The following ANK3 variants were observed in gnomAD, a reference collection of about 807,000 sequenced individuals.
ANK3 encodes ankyrin-3.
A neutral mutation model predicts 370.9 loss-of-function variants in ANK3; 57 were observed. The ratio of observed to expected loss-of-function variants is 0.15; its 90% CI spans 0.12 to 0.19. The LOEUF (loss-of-function observed/expected upper bound fraction) is 0.19. ANK3 is among the 10% of genes least tolerant of loss of function. ANK3 has a pLI of 1.00. For missense variants in ANK3, 4,439 were observed against 5,302.1 expected, an observed-to-expected ratio of 0.84 and a Z score of 5.06; for synonymous variants, 1,929 against 1,946.3, an observed-to-expected ratio of 0.99 and a Z score of 0.23.
chr10:60,215,828 G>A (rs1200006693), intron 8 of ANK3, among the ~76,000 whole-genome samples: 1 of 152,058 alleles, frequency 6.6e-6, no homozygotes, highest in African/African-American at 2.4e-5. Context: ...TTGGCTATAT[G>A]GGGTCTTCTT....
Position 60,088,141 on chromosome 10 carries a change from C to T in ANK3, c.3540+6G>A. The stretch of plus-strand genomic sequence containing the variant: ...ACTGAGGGAAACAACTTTTTGTGAA[C>T]ATTACCTGGAGGCCCACTCGAATTC... On this transcript the variant is annotated splice_donor_region_variant and intron_variant, in intron 29 of 43. Coordinates refer to ENST00000280772, the MANE Select transcript of ANK3 (RefSeq NM_020987.5). 1.2e-6 allele frequency: 2 copies of T among 1,613,638 alleles called. No homozygotes were observed. The highest frequency in any genetic ancestry group is 1.7e-6 in the Non-Finnish European group (2 of 1,179,658).
intron 2 of ANK3, among the ~76,000 whole-genome samples, chr10:60,401,413 T>A (rs1454933359): frequency 6.6e-6 from 1 of 152,154 alleles, no homozygotes; most frequent in Admixed American, 6.5e-5. Context: ...TAAAATAAAA[T>A]TTTAAAACTG....
chr10:60,310,116 G>C (rs2046043431), intron 1 of ANK3, among the ~76,000 whole-genome samples: 2 of 151,540 alleles, frequency 1.3e-5, no homozygotes, highest in African/African-American at 2.4e-5. Context: ...GTAGAGATGG[G>C]GTCTAGCTAT....
chr10:60,653,920 T>C (rs1285900117), intron 1 of ANK3, among the ~76,000 whole-genome samples: 1 of 152,178 alleles, frequency 6.6e-6, no homozygotes, highest in African/African-American at 2.4e-5. Context: ...TTATGGGCAT[T>C]GCACTGACAC....
intron 1 of ANK3, among the ~76,000 whole-genome samples, chr10:60,294,827 C>T (rs2042166660): frequency 6.6e-6 from 1 of 152,080 alleles, no homozygotes; most frequent in African/African-American, 2.4e-5. Context: ...AACAGCTTTA[C>T]ATTAAATACA....
intron 1 of ANK3, among the ~76,000 whole-genome samples, chr10:60,369,619 C>T (rs562918163): frequency 6.6e-6 from 1 of 152,246 alleles, no homozygotes; most frequent in Non-Finnish European, 1.5e-5. Context: ...GATTTCTTTA[C>T]ATTGGTAAAT....
In ANK3 at chr10:60,173,080, G is replaced by A; in HGVS notation, c.2283+8C>T. The A allele has an allele frequency of 1.9e-6, 3 of 1,612,838 alleles. No homozygotes were observed. Among genetic ancestry groups the A allele is most frequent in the Non-Finnish European group, 2.5e-6 (3 of 1,179,250 alleles). On this transcript the variant is annotated splice_region_variant and intron_variant, in intron 19 of 43. Coordinates refer to ENST00000280772, the MANE Select transcript of ANK3 (RefSeq NM_020987.5). ...ATTCTGGCAGAAACAAAAAAGGAAG[G>A]AGCTTACCTTTGTTTTGGCATTAAC...
chr10:60,056,159 G>A (rs1589338200), intron 41 of ANK3, 123 bp from the exon 42 acceptor site: 4 of 1,199,716 alleles, frequency 3.3e-6, no homozygotes, highest in East Asian at 2.5e-5. Flanking sequence ...AGAAAAGTGT[G>A]AAAAGTGTGG....
intron 23 of ANK3, among the ~76,000 whole-genome samples, chr10:60,149,015 A>G (rs1160270019): frequency 6.6e-6 from 1 of 152,240 alleles, no homozygotes; most frequent in Admixed American, 6.5e-5. Context: ...CCCAGGTATA[A>G]AGAAGTACCA....
chr10:60,166,548 T>C, intron 23 of ANK3, 43 bp downstream of exon 23: 1 of 1,403,156 alleles, frequency 7.1e-7, no homozygotes, highest in South Asian at 1.2e-5. Flanking sequence ...AAAGATAAAG[T>C]TGGTAGTAGT....
chr10:60,513,462 C>G lies in ANK3; in HGVS notation c.96+101724G>C, dbSNP rs115387258. ...AGGTTGGCAGTGAGAACCAGGGAGA[C>G]TTTTTTGAGGAAGTGAAACTCAAAA... On this transcript the variant is annotated intron_variant, in intron 2 of 43. Coordinates refer to the ANK3 transcript ENST00000373827. 3.2e-3 allele frequency among the ~76,000 whole-genome samples: 481 copies of G among 152,036 alleles called. 2 individuals carry two copies. The highest frequency in any genetic ancestry group is 0.011 in the African/African-American group (450 of 41,498).
chr10:60,591,303 T>TTTTATTTA (rs79060296), intron 2 of ANK3, among the ~76,000 whole-genome samples: 7,042 of 137,496 alleles, frequency 0.051, 202 homozygotes, highest in East Asian at 0.068. Flanking sequence ...TTTATTTTTA[T>TTTTATTTA]TTTATTTATT....
At chr10:60,687,687 T>C (rs537420868) in intron 1 of ANK3, among the ~76,000 whole-genome samples, 2 of 152,284 alleles carry the variant, frequency 1.3e-5, no homozygotes, top group Admixed American at 6.5e-5. Flanking sequence ...AGAACTACCA[T>C]ATGAACCAGT....
chr10:60,266,525 T>C (rs1479190605), intron 5 of ANK3, among the ~76,000 whole-genome samples: 1 of 152,196 alleles, frequency 6.6e-6, no homozygotes, highest in Non-Finnish European at 1.5e-5. Flanking sequence ...GACAGTCCAC[T>C]TCTGCTCTGA....
At chr10:60,279,248 G>T (rs1592958545) in intron 2 of ANK3, 100 bp from the exon 3 acceptor site, 1 of 1,021,700 alleles carries the variant, frequency 9.8e-7, no homozygotes, top group East Asian at 2.4e-5. Flanking sequence ...CCCACCTGAT[G>T]ATCACTTGCA....
rs36033791 is a variant in ANK3 at position 60,141,561 on chromosome 10, G to GTTTTTT, written c.2615-2480_2615-2475dup. 1.2e-3 allele frequency among the ~76,000 whole-genome samples: 58 copies of GTTTTTT among 49,002 alleles called. 1 individual carries two copies. The highest frequency in any genetic ancestry group is 2.5e-3 in the African/African-American group (27 of 10,746). 32.1% of individuals were successfully genotyped at this position (49,002 alleles called of 152,430 possible). A position where few individuals can be genotyped will look rare whatever the true frequency, so the allele number is the denominator to read the frequency against. ...CACTGGAGAGGCCATTTCAATTGCT[G>GTTTTTT]TTTTTTTTTTTTTTTTTTTTTTTTT... On this transcript the variant is annotated intron_variant, in intron 23 of 43. Coordinates refer to ENST00000280772, the MANE Select transcript of ANK3 (RefSeq NM_020987.5).
At chr10:60,726,934 T>G (rs2079949443) in intron 1 of ANK3, among the ~76,000 whole-genome samples, 1 of 152,166 alleles carries the variant, frequency 6.6e-6, no homozygotes, top group Admixed American at 6.5e-5. Flanking sequence ...TAGTTACAAT[T>G]GCATTTAAAA....
In ANK3 at chr10:60,602,002, T is replaced by TA. The variant is rs558297193; in HGVS notation, c.96+13183dup. The stretch of plus-strand genomic sequence containing the variant: ...CTGTGTGCACAAACTTGCTTGTGCA[T>TA]AAAATCTTCCTTTAAAGATAGATGG... On this transcript the variant is annotated intron_variant, in intron 2 of 43. Coordinates refer to the ANK3 transcript ENST00000373827. 2.6e-3 allele frequency among the ~76,000 whole-genome samples: 393 copies of TA among 152,264 alleles called. 2 individuals carry two copies. Among genetic ancestry groups the TA allele is most frequent in the African/African-American group, 8.9e-3 (368 of 41,564 alleles).
Position 60,360,279 on chromosome 10 carries a change from C to A in ANK3, c.114+29146G>T, listed in dbSNP as rs1409471050. Among the ~76,000 whole-genome samples the A allele has an allele frequency of 2.0e-5, 3 of 152,300 alleles. No individual in the cohort carries two copies. The East Asian group carries it at 5.8e-4, about 29-fold the overall frequency. ...GGATCTACTTTTATCAGAAACAATT[C>A]TTTTATTCCAGGGAGCTAAAAGAAT... On this transcript the variant is annotated intron_variant, in intron 1 of 43. Transcript: ENST00000280772.
Sources: gnomAD v4.1 joint callset for allele counts (sites outside exome capture counted in the v4.1 genomes callset) on GRCh38, gnomAD v4.1.1 for gene constraint, MANE v1.5 for transcripts, NCBI Gene and HGNC (gene_info 2026-07-23, HGNC 2026-07-21) for gene names.